DEAF1: variants seen among roughly 807,000 people sequenced by gnomAD.
DEAF1 encodes the protein DEAF1 transcription factor.
In DEAF1, 53 loss-of-function variants were observed where a neutral mutation model predicts 58.9. That is an observed-to-expected ratio of 0.90 (90% CI 0.72 to 1.13). The LOEUF (loss-of-function observed/expected upper bound fraction) is 1.13, where lower values mean the gene tolerates loss of function less well. DEAF1 is among the 50% of genes most tolerant of loss of function. DEAF1 has a pLI of 0.00. For synonymous variants in DEAF1, 385 were observed against 340.4 expected, an observed-to-expected ratio of 1.13 and a Z score of -1.44; for missense variants, 685 against 791.4, an observed-to-expected ratio of 0.87 and a Z score of 1.61.
At chr11:690,316 C>G (rs190182171) in intron 2 of DEAF1, among the ~76,000 whole-genome samples, 335 of 1,816 alleles carry the variant, frequency 0.18, no homozygotes, top group Non-Finnish European at 0.21. Flanking sequence ...GAGGAGAGGG[C>G]AGGGGAGGGC....
At chr11:667,333 A>G (rs1859587017) in intron 10 of DEAF1, among the ~76,000 whole-genome samples, 1 of 142,116 alleles carries the variant, frequency 7.0e-6, no homozygotes, top group South Asian at 2.4e-4. Flanking sequence ...AAGAAAGAAA[A>G]AAGAAGGAAG....
At chr11:667,493 A>G (rs926999038) in intron 10 of DEAF1, among the ~76,000 whole-genome samples, 1 of 152,106 alleles carries the variant, frequency 6.6e-6, no homozygotes, top group African/African-American at 2.4e-5. Flanking sequence ...ATGGAAAGAC[A>G]TCTTTAAACT....
chr11:691,296 G>A (rs924517074), intron 2 of DEAF1, among the ~76,000 whole-genome samples: 2 of 152,218 alleles, frequency 1.3e-5, no homozygotes, highest in South Asian at 2.1e-4. Flanking sequence ...CTGGCCTTCC[G>A]AGGCAGCTTC....
In DEAF1 at chr11:674,776, T is replaced by C; in HGVS notation, c.1263A>G (p.Thr421=). 1 of 1,611,894 alleles carries C rather than the reference T, an allele frequency of 6.2e-7. No individual in the cohort carries two copies. The highest frequency in any genetic ancestry group is 1.6e-4 in the Middle Eastern group (1 of 6,062). ...GTGGGACCGCCAGCGCAGGCAGGGA[T>C]GTCAACACTAGAGCATTTGGAAAGC... ...LPTSHPKIVL[T]SLPALAVPPP... is the part of the protein sequence containing the mutation. The change falls in exon 10 of 12, where the codon ACA becomes ACG. Residue 421 remains threonine, a synonymous_variant. Coordinates refer to ENST00000382409, the MANE Select transcript of DEAF1 (RefSeq NM_021008.4).
At chr11:663,812 C>T (rs1245952711) in intron 10 of DEAF1, among the ~76,000 whole-genome samples, 1 of 152,228 alleles carries the variant, frequency 6.6e-6, no homozygotes, top group Non-Finnish European at 1.5e-5. Flanking sequence ...TGCGAAGGTC[C>T]GGTCTGCTGG....
chr11:694,621 G>C (rs1861019423), intron 1 of DEAF1, 138 bp downstream of exon 1: 1 of 819,616 alleles, frequency 1.2e-6, no homozygotes, highest in Non-Finnish European at 1.7e-6. Context: ...TGCAGGGCGG[G>C]TGGAGCGGGC....
intron 6 of DEAF1, among the ~76,000 whole-genome samples, chr11:684,055 T>TG (rs1860482545): frequency 6.6e-6 from 1 of 152,130 alleles, no homozygotes; most frequent in African/African-American, 2.4e-5. Flanking sequence ...ATGAAATCTA[T>TG]ATATCAACTA....
At position 694,952 on chromosome 11, in the gene DEAF1, C is replaced by T; in HGVS notation, c.96G>A (p.Ala32=). 2 of 1,218,338 alleles carry T rather than the reference C, an allele frequency of 1.6e-6. No homozygotes were observed. Among genetic ancestry groups the T allele is most frequent in the Middle Eastern group, 3.3e-4 (1 of 3,060 alleles). 75.5% of individuals were successfully genotyped at this position (1,218,338 alleles called of 1,614,324 possible). ...AAAVAAAAAA[A]AGGEAEEPVL... ...CCGGCTCCTCCGCCTCGCCTCCTGCCGCGGCCGCGGCCGCCGCCGCCACAG... is the reference window on the plus strand; with the variant it reads ...CCGGCTCCTCCGCCTCGCCTCCTGCTGCGGCCGCGGCCGCCGCCGCCACAG... The change falls in exon 1 of 12, where the codon GCG becomes GCA. Residue 32 remains alanine, a synonymous_variant. Coordinates refer to ENST00000382409, the MANE Select transcript of DEAF1 (RefSeq NM_021008.4).
At chr11:655,549 G>A (rs1458630881) in intron 10 of DEAF1, among the ~76,000 whole-genome samples, 1 of 150,886 alleles carries the variant, frequency 6.6e-6, no homozygotes. Flanking sequence ...GCAGCTGCGG[G>A]AGGGGCCGTG....
At chr11:668,564 T>C (rs1859660935) in intron 10 of DEAF1, among the ~76,000 whole-genome samples, 1 of 152,142 alleles carries the variant, frequency 6.6e-6, no homozygotes, top group Admixed American at 6.6e-5. Flanking sequence ...GGTTCATGCC[T>C]GTAATCCCAG....
chr11:659,716 G>T (rs1170995278), intron 10 of DEAF1, among the ~76,000 whole-genome samples: 1 of 152,210 alleles, frequency 6.6e-6, no homozygotes, highest in African/African-American at 2.4e-5. Flanking sequence ...CCGCTCCTGG[G>T]TCTAGTTCCA....
chr11:654,076 G>A (rs1293609587), intron 10 of DEAF1, 25 bp from the exon 11 acceptor site: 2 of 1,602,322 alleles, frequency 1.2e-6, no homozygotes, highest in Non-Finnish European at 1.7e-6. Flanking sequence ...CAACAGGCCA[G>A]TCAGTGACGT....
At chr11:652,743 T>C (rs998238539) in intron 11 of DEAF1, among the ~76,000 whole-genome samples, 2 of 151,790 alleles carry the variant, frequency 1.3e-5, no homozygotes, top group Non-Finnish European at 2.9e-5. Context: ...GGACAAAATA[T>C]AGACCAGCAT....
intron 7 of DEAF1, among the ~76,000 whole-genome samples, chr11:680,338 G>A (rs1378900946): frequency 6.6e-6 from 1 of 152,164 alleles, no homozygotes; most frequent in African/African-American, 2.4e-5. Context: ...GGGTGTTTTA[G>A]AAAGACCTTA....
intron 10 of DEAF1, among the ~76,000 whole-genome samples, chr11:663,674 A>C (rs185291543): frequency 1.4e-5 from 2 of 139,416 alleles, no homozygotes; most frequent in Non-Finnish European, 3.1e-5. Flanking sequence ...TCCTCCTCCA[A>C]CTCCTCAGCG....
intron 1 of DEAF1, chr11:702,889 G>T: frequency 1.3e-6 from 2 of 1,521,834 alleles, no homozygotes; most frequent in Non-Finnish European, 1.8e-6. Flanking sequence ...CCTGTGGGCG[G>T]TGGGCTCCAG....
intron 7 of DEAF1, among the ~76,000 whole-genome samples, chr11:680,231 C>A (rs925777653): frequency 6.6e-6 from 1 of 152,186 alleles, no homozygotes; most frequent in Non-Finnish European, 1.5e-5. Flanking sequence ...GGCTGCCTCT[C>A]CAGCTCAAAA....
At chr11:673,666 C>T (rs1010029735) in intron 10 of DEAF1, among the ~76,000 whole-genome samples, 1 of 152,170 alleles carries the variant, frequency 6.6e-6, no homozygotes, top group African/African-American at 2.4e-5. Context: ...GCAGCTACAA[C>T]AAAATCCATC....
intron 10 of DEAF1, among the ~76,000 whole-genome samples, chr11:660,139 T>G (rs1313242576): frequency 6.6e-6 from 1 of 152,194 alleles, no homozygotes; most frequent in Non-Finnish European, 1.5e-5. Context: ...CAAATTAGAC[T>G]GGATTACTCT....
Sources: gnomAD v4.1 joint callset for allele counts (sites outside exome capture counted in the v4.1 genomes callset) on GRCh38, gnomAD v4.1.1 for gene constraint, MANE v1.5 for transcripts, NCBI Gene and HGNC (gene_info 2026-07-23, HGNC 2026-07-21) for gene names.